FRMPD4: variants seen among roughly 807,000 people sequenced by gnomAD.
FRMPD4 encodes FERM and PDZ domain containing 4, also known as FERM and PDZ domain-containing protein 4.
A neutral mutation model predicts 94.1 loss-of-function variants in FRMPD4; 22 were observed. That is an observed-to-expected ratio of 0.23 (90% CI 0.17 to 0.33). The LOEUF is 0.33. FRMPD4 is among the 10% of genes least tolerant of loss of function. The pLI, the probability that FRMPD4 is intolerant of heterozygous loss-of-function variation, is 1.00. For missense variants in FRMPD4, 1,111 were observed against 1,339.9 expected, an observed-to-expected ratio of 0.83 and a Z score of 2.67; for synonymous variants, 631 against 548.6, an observed-to-expected ratio of 1.15 and a Z score of -2.10.
At chrX:12,411,788 C>T (rs2056735232) in intron 1 of FRMPD4, among the ~76,000 whole-genome samples, 1 of 111,333 alleles carries the variant, frequency 9.0e-6, no homozygotes, top group Admixed American at 9.5e-5. Flanking sequence ...AGTGTCACTG[C>T]ATGGTCCAAG....
intron 4 of FRMPD4, among the ~76,000 whole-genome samples, chrX:12,634,861 T>G (rs1288976670): frequency 1.1e-5 from 1 of 90,466 alleles, no homozygotes; most frequent in Non-Finnish European, 2.1e-5. Context: ...TGAGACAGAG[T>G]CTTGCTCTGT....
intron 9 of FRMPD4, among the ~76,000 whole-genome samples, chrX:12,700,809 G>C (rs963843980): frequency 1.8e-5 from 2 of 112,179 alleles, no homozygotes; most frequent in Admixed American, 1.9e-4. Flanking sequence ...TGAGTAAACT[G>C]AGGCTGCAAG....
chrX:11,847,675 A>T (rs2053586269), intron 1 of FRMPD4, among the ~76,000 whole-genome samples: 1 of 110,550 alleles, frequency 9.0e-6, no homozygotes, highest in African/African-American at 3.3e-5. Flanking sequence ...AATGTGGCAC[A>T]TATATACCAT....
chrX:12,000,665 C>T (rs1187916082), intron 3 of FRMPD4, among the ~76,000 whole-genome samples: 1 of 111,349 alleles, frequency 9.0e-6, no homozygotes, highest in East Asian at 2.8e-4. Context: ...TACAATCATA[C>T]TTTTCCAGAC....
intron 1 of FRMPD4, among the ~76,000 whole-genome samples, chrX:12,382,831 AAC>A (rs1318437552): frequency 9.0e-6 from 1 of 111,407 alleles, no homozygotes; most frequent in African/African-American, 3.3e-5. Flanking sequence ...TTGTTTGTTA[AAC>A]ATGAGAATGG....
At chrX:11,827,855 G>A (rs993036264) in intron 1 of FRMPD4, among the ~76,000 whole-genome samples, 1 of 111,841 alleles carries the variant, frequency 8.9e-6, no homozygotes, top group Non-Finnish European at 1.9e-5. Flanking sequence ...TAAGAGAGTG[G>A]CTTAATTTAT....
chrX:11,984,487 A>C (rs1388404358), intron 3 of FRMPD4, among the ~76,000 whole-genome samples: 1 of 112,304 alleles, frequency 8.9e-6, no homozygotes, highest in Non-Finnish European at 1.9e-5. Context: ...TTTTCATTGA[A>C]AGCTCTGCTC....
chrX:12,607,765 C>A, intron 2 of FRMPD4, among the ~76,000 whole-genome samples: 1 of 112,400 alleles, frequency 8.9e-6, no homozygotes, highest in East Asian at 2.8e-4. Context: ...TAGTTCTCAA[C>A]TAACACTTCT....
chrX:11,934,933 G>A (rs2054144281), intron 3 of FRMPD4, among the ~76,000 whole-genome samples: 1 of 111,725 alleles, frequency 9.0e-6, no homozygotes, highest in South Asian at 3.7e-4. Flanking sequence ...TATGTGAACA[G>A]CAAAATTACG....
intron 1 of FRMPD4, among the ~76,000 whole-genome samples, chrX:12,355,263 C>T (rs1438455496): frequency 9.1e-6 from 1 of 110,341 alleles, no homozygotes; most frequent in Non-Finnish European, 1.9e-5. Context: ...GCAGCCTCGA[C>T]CTCCTGGGCT....
chrX:12,138,946 G>A lies in FRMPD4; in HGVS notation c.-26G>A, dbSNP rs777325845. ...CGTGAGAAGGGGCGACGGAGTTGTC[G>A]CGCTCGGGGGTCCCCAGCTGCCTGC... is the stretch of plus-strand genomic sequence containing the variant. On this transcript the variant is annotated 5_prime_UTR_variant, in exon 1 of 17. Coordinates refer to ENST00000675598, the MANE Select transcript of FRMPD4 (RefSeq NM_001368397.1). 9 of 1,139,150 alleles carry A rather than the reference G, an allele frequency of 7.9e-6. No individual in the cohort carries two copies. The highest frequency in any genetic ancestry group is 3.6e-5 in the African/African-American group (2 of 55,165). The allele number at this position is 1,139,150 out of a possible 1,213,427, so 93.9% of individuals were successfully genotyped here. A position where few individuals can be genotyped will look rare whatever the true frequency, so the allele number is the denominator to read the frequency against.
At chrX:11,845,937 A>G (rs1430461550) in intron 1 of FRMPD4, among the ~76,000 whole-genome samples, 8 of 107,058 alleles carry the variant, frequency 7.5e-5, no homozygotes, top group Admixed American at 5.0e-4. Context: ...TGAATGGGCA[A>G]AAACTGGAAG....
chrX:12,456,408 A>G (rs2057334192), intron 1 of FRMPD4, among the ~76,000 whole-genome samples: 2 of 111,877 alleles, frequency 1.8e-5, no homozygotes, highest in Admixed American at 9.5e-5. Flanking sequence ...CATGCCGGGA[A>G]TATTTACATT....
intron 3 of FRMPD4, among the ~76,000 whole-genome samples, chrX:12,116,929 A>C (rs2055414542): frequency 8.9e-6 from 1 of 112,282 alleles, no homozygotes; most frequent in South Asian, 3.7e-4. Flanking sequence ...TTTTTTAAAA[A>C]TTTATCTTCA....
At chrX:12,170,823 G>T (rs976885638) in intron 1 of FRMPD4, among the ~76,000 whole-genome samples, 3 of 112,775 alleles carry the variant, frequency 2.7e-5, no homozygotes, top group Non-Finnish European at 3.7e-5. Flanking sequence ...CCTCTTTCCT[G>T]TACATAACAT....
chrX:11,825,593 TC>T (rs1316168626), intron 1 of FRMPD4, among the ~76,000 whole-genome samples: 2 of 106,359 alleles, frequency 1.9e-5, no homozygotes, highest in African/African-American at 7.2e-5. Flanking sequence ...ACAATATGTA[TC>T]CTGATAGTGG....
chrX:11,966,553 G>A (rs1159418079), intron 3 of FRMPD4, among the ~76,000 whole-genome samples: 1 of 110,738 alleles, frequency 9.0e-6, no homozygotes, highest in Non-Finnish European at 1.9e-5. Flanking sequence ...CATCATCATA[G>A]CCTCAAGTCT....
chrX:12,659,496 CAT>C (rs985571634), intron 4 of FRMPD4, among the ~76,000 whole-genome samples: 2 of 112,486 alleles, frequency 1.8e-5, no homozygotes, highest in East Asian at 2.8e-4. Flanking sequence ...TGGGGGCTGT[CAT>C]GTGTGTTGTA....
chrX:12,346,436 C>T (rs1365649379), intron 1 of FRMPD4, among the ~76,000 whole-genome samples: 3 of 111,418 alleles, frequency 2.7e-5, no homozygotes, highest in Non-Finnish European at 5.7e-5. Flanking sequence ...TTCAAACCTT[C>T]TCAGTCATTC....
Sources: gnomAD v4.1 joint callset for allele counts (sites outside exome capture counted in the v4.1 genomes callset) on GRCh38, gnomAD v4.1.1 for gene constraint, MANE v1.5 for transcripts, NCBI Gene and HGNC (gene_info 2026-07-23, HGNC 2026-07-21) for gene names.